NDUFS4: variants seen among roughly 807,000 people sequenced by gnomAD.
NDUFS4 encodes the protein NADH:ubiquinone oxidoreductase subunit S4.
A neutral mutation model predicts 24.3 loss-of-function variants in NDUFS4; 28 were observed. The observed-to-expected ratio is 1.15, with a 90% CI of 0.85 to 1.58. The LOEUF is 1.58. Ranked by LOEUF, NDUFS4 falls within the 40% of genes most tolerant of loss-of-function variation. The probability of loss-of-function intolerance (pLI) is 0.00; values close to 1 mark genes in which losing one functional copy is unlikely to be tolerated. For missense variants in NDUFS4, 223 were observed against 207.9 expected (o/e 1.07, Z -0.45); for synonymous variants, 93 against 69.7 (o/e 1.34, Z -1.67).
At chr5:53,635,376 C>T (rs917005439) in intron 2 of NDUFS4, among the ~76,000 whole-genome samples, 2 of 151,348 alleles carry the variant, frequency 1.3e-5, no homozygotes, top group South Asian at 4.2e-4. Context: ...AAAAATTAGC[C>T]AGGCAGGGAG....
At chr5:53,666,892 C>T (rs1031923534) in intron 4 of NDUFS4, among the ~76,000 whole-genome samples, 1 of 151,990 alleles carries the variant, frequency 6.6e-6, no homozygotes, top group Non-Finnish European at 1.5e-5. Context: ...TGAGATCATA[C>T]CACTACACTC....
chr5:53,631,395 A>T (rs1751406072), intron 2 of NDUFS4, among the ~76,000 whole-genome samples: 1 of 152,182 alleles, frequency 6.6e-6, no homozygotes, highest in Admixed American at 6.5e-5. Flanking sequence ...TCTGTACATT[A>T]TCAGAGCTTG....
At chr5:53,668,662 T>C (rs1752586193) in intron 4 of NDUFS4, among the ~76,000 whole-genome samples, 1 of 151,152 alleles carries the variant, frequency 6.6e-6, no homozygotes. Context: ...GGTTTTACCA[T>C]GTTGGCCAGG....
intron 2 of NDUFS4, among the ~76,000 whole-genome samples, chr5:53,642,504 G>A (rs752993668): frequency 1.3e-5 from 2 of 152,076 alleles, no homozygotes; most frequent in Non-Finnish European, 2.9e-5. Flanking sequence ...AAAGAGAGCG[G>A]CCAGCAAGAC....
At chr5:53,633,875 T>G (rs1751476522) in intron 2 of NDUFS4, among the ~76,000 whole-genome samples, 1 of 152,206 alleles carries the variant, frequency 6.6e-6, no homozygotes, top group African/African-American at 2.4e-5. Flanking sequence ...ATATTCTCAC[T>G]TCACATTTAC....
intron 2 of NDUFS4, among the ~76,000 whole-genome samples, chr5:53,635,147 G>A (rs761550498): frequency 6.6e-6 from 1 of 151,882 alleles, no homozygotes; most frequent in Non-Finnish European, 1.5e-5. Context: ...CTGAGATCAC[G>A]CCATTGCACT....
intron 2 of NDUFS4, among the ~76,000 whole-genome samples, chr5:53,616,838 C>G (rs1336951945): frequency 6.6e-6 from 1 of 152,096 alleles, no homozygotes; most frequent in African/African-American, 2.4e-5. Flanking sequence ...TAAAGAAGCT[C>G]AAAGGAAATG....
chr5:53,586,455 A>G (rs1749757410), intron 1 of NDUFS4, among the ~76,000 whole-genome samples: 1 of 152,160 alleles, frequency 6.6e-6, no homozygotes, highest in South Asian at 2.1e-4. Flanking sequence ...AACAGGCCAT[A>G]GGTAGCAAAC....
At chr5:53,602,550 A>G (rs1158360090) in intron 1 of NDUFS4, among the ~76,000 whole-genome samples, 1 of 152,140 alleles carries the variant, frequency 6.6e-6, no homozygotes, top group Non-Finnish European at 1.5e-5. Context: ...AAGTTCAACT[A>G]TTTGTATCAG....
At chr5:53,638,722 T>G (rs1383187292) in intron 2 of NDUFS4, among the ~76,000 whole-genome samples, 1 of 152,088 alleles carries the variant, frequency 6.6e-6, no homozygotes, top group Non-Finnish European at 1.5e-5. Context: ...AAAAATTATC[T>G]TGATAAAACA....
intron 2 of NDUFS4, among the ~76,000 whole-genome samples, chr5:53,615,054 A>G (rs1041816313): frequency 6.6e-6 from 1 of 151,870 alleles, no homozygotes. Flanking sequence ...GAAACCATCA[A>G]ATTTATGGTA....
intron 1 of NDUFS4, among the ~76,000 whole-genome samples, chr5:53,596,405 C>T (rs1046088398): frequency 1.3e-5 from 2 of 151,944 alleles, no homozygotes; most frequent in Admixed American, 6.6e-5. Context: ...TGTACTCCAG[C>T]GTAGGTGATA....
In NDUFS4 at chr5:53,590,788, A is replaced by G. The variant is rs185176048; in HGVS notation, c.99-12664A>G. Reference sequence around the variant, plus strand: ...AATATTGTCGTGGTTTATACATACTATGAAATTTACCATTTTAACTATTTT... The same window carrying G: ...AATATTGTCGTGGTTTATACATACTGTGAAATTTACCATTTTAACTATTTT... On this transcript the variant is annotated intron_variant, in intron 1 of 4. Transcript: ENST00000296684. Among the ~76,000 whole-genome samples the G allele has an allele frequency of 2.4e-3, 363 of 152,308 alleles. 5 individuals are homozygous for G. The highest frequency in any genetic ancestry group is 8.1e-3 in the African/African-American group (338 of 41,574).
intron 3 of NDUFS4, among the ~76,000 whole-genome samples, chr5:53,656,570 C>G (rs1752166052): frequency 6.6e-6 from 1 of 152,112 alleles, no homozygotes; most frequent in South Asian, 2.1e-4. Context: ...GGAAAGTACA[C>G]CTTGCATTTA....
intron 2 of NDUFS4, among the ~76,000 whole-genome samples, chr5:53,621,083 G>T (rs2112478120): frequency 6.6e-6 from 1 of 152,314 alleles, no homozygotes. Context: ...TCCTGTGTGT[G>T]TTGGATCACA....
At chr5:53,675,696 AG>A (rs1345893291) in intron 4 of NDUFS4, among the ~76,000 whole-genome samples, 1 of 152,224 alleles carries the variant, frequency 6.6e-6, no homozygotes, top group Non-Finnish European at 1.5e-5. Flanking sequence ...AGTCCAAAAT[AG>A]ATTAACAAAC....
intron 4 of NDUFS4, among the ~76,000 whole-genome samples, chr5:53,667,734 G>A (rs1752560721): frequency 6.6e-6 from 1 of 152,100 alleles, no homozygotes. Context: ...AAAGACTACT[G>A]GATTAAGAGG....
At chr5:53,622,442 A>G (rs960739642) in intron 2 of NDUFS4, among the ~76,000 whole-genome samples, 4 of 152,258 alleles carry the variant, frequency 2.6e-5, no homozygotes, top group Middle Eastern at 6.8e-3. Flanking sequence ...TGATGTGTCT[A>G]CATGGCCACA....
chr5:53,673,607 A>ACAAT (rs1421535055), intron 4 of NDUFS4, among the ~76,000 whole-genome samples: 4 of 152,184 alleles, frequency 2.6e-5, no homozygotes, highest in Non-Finnish European at 4.4e-5. Flanking sequence ...TCTTTCTGGC[A>ACAAT]CAATCAGTCA....
Sources: allele counts gnomAD v4.1 joint callset (sites outside exome capture counted in the v4.1 genomes callset), GRCh38; gene constraint gnomAD v4.1.1; transcripts MANE v1.5; gene names NCBI Gene and HGNC (gene_info 2026-07-23, HGNC 2026-07-21).